Variants in PTPRN2 observed in about 807,000 individuals in gnomAD.
PTPRN2 encodes protein tyrosine phosphatase receptor type N2, also known as receptor-type tyrosine-protein phosphatase N2.
In PTPRN2, 74 loss-of-function variants were observed where a neutral mutation model predicts 118.8. The ratio of observed to expected loss-of-function variants is 0.62; its 90% CI spans 0.52 to 0.76. The LOEUF (loss-of-function observed/expected upper bound fraction) is 0.76. PTPRN2 is among the 30% of genes least tolerant of loss of function. The pLI is 0.00. For synonymous variants in PTPRN2, 641 were observed against 608.0 expected, an observed-to-expected ratio of 1.05 and a Z score of -0.80; for missense variants, 1,481 against 1,394.4, an observed-to-expected ratio of 1.06 and a Z score of -0.99.
chr7:158,019,460 G>A (rs1399055018), intron 11 of PTPRN2, among the ~76,000 whole-genome samples: 5 of 152,266 alleles, frequency 3.3e-5, no homozygotes, highest in African/African-American at 4.8e-5. Flanking sequence ...GTCAGACAGC[G>A]CGGTAGAGGC....
At chr7:157,694,488 C>T (rs759872535) in intron 12 of PTPRN2, among the ~76,000 whole-genome samples, 1 of 152,192 alleles carries the variant, frequency 6.6e-6, no homozygotes, top group Non-Finnish European at 1.5e-5. Flanking sequence ...AAGCTGAAGG[C>T]GGACCCACAC....
intron 2 of PTPRN2, among the ~76,000 whole-genome samples, chr7:158,478,792 A>G (rs897115996): frequency 2.0e-5 from 3 of 152,184 alleles, no homozygotes; most frequent in African/African-American, 7.2e-5. Context: ...TTTAATTAGC[A>G]ACTTGTGTGG....
chr7:158,252,585 A>G (rs1357582419), intron 3 of PTPRN2, among the ~76,000 whole-genome samples: 1 of 152,154 alleles, frequency 6.6e-6, no homozygotes, highest in Non-Finnish European at 1.5e-5. Context: ...GGATGGCAGG[A>G]CAGGACAGGG....
In PTPRN2 at chr7:157,787,110, G is replaced by A. The variant is rs867697168; in HGVS notation, c.1789-104173C>T. 8.2e-6 allele frequency among the ~76,000 whole-genome samples: 1 copy of A among 121,302 alleles called. No homozygotes were observed. The highest frequency in any genetic ancestry group is 1.8e-5 in the Non-Finnish European group (1 of 55,576). 79.6% of individuals were successfully genotyped at this position (121,302 alleles called of 152,430 possible). ...GGGGGTGGCTGCCCGGGAGGCGGAC[G>A]CGGGTGCGGCGGGGGACGCGGGGGT... On this transcript the variant is annotated intron_variant, in intron 12 of 22. Coordinates refer to ENST00000389418, the MANE Select transcript of PTPRN2 (RefSeq NM_002847.5). The surrounding 1 kb of genome is among the most constrained non-coding windows in gnomAD (Gnocchi z 5.3).
At chr7:157,700,367 C>T (rs1798004274) in intron 12 of PTPRN2, among the ~76,000 whole-genome samples, 1 of 152,182 alleles carries the variant, frequency 6.6e-6, no homozygotes, top group African/African-American at 2.4e-5. Flanking sequence ...AAACCAGGCT[C>T]ACTTGTCCAA....
chr7:158,279,337 T>C (rs373276434), intron 3 of PTPRN2, among the ~76,000 whole-genome samples: 1 of 152,116 alleles, frequency 6.6e-6, no homozygotes, highest in East Asian at 1.9e-4. Context: ...GATGGGTGCA[T>C]TTACAATCCT....
chr7:158,346,619 CT>C (rs1209414411), intron 2 of PTPRN2, among the ~76,000 whole-genome samples: 1 of 152,156 alleles, frequency 6.6e-6, no homozygotes, highest in Non-Finnish European at 1.5e-5. Context: ...ATTTTACTTC[CT>C]TTGGATAAAT....
intron 12 of PTPRN2, among the ~76,000 whole-genome samples, chr7:157,788,335 AC>A (rs1804206110): frequency 6.8e-6 from 1 of 147,682 alleles, no homozygotes; most frequent in Non-Finnish European, 1.5e-5. Flanking sequence ...AGATTGCACC[AC>A]TGCACTCCAG....
intron 12 of PTPRN2, among the ~76,000 whole-genome samples, chr7:157,775,203 C>T (rs939529786): frequency 5.9e-5 from 9 of 152,280 alleles, no homozygotes; most frequent in African/African-American, 1.2e-4. Context: ...CTCTGCAGGA[C>T]GCCGTGTGTG....
intron 1 of PTPRN2, among the ~76,000 whole-genome samples, chr7:158,492,239 G>A (rs7787694): frequency 0.27 from 40,514 of 152,188 alleles, 5,536 homozygotes; most frequent in South Asian, 0.37. Flanking sequence ...GGCAGGAGCT[G>A]CAGGACTCTG....
rs531716565 is a variant in PTPRN2 at position 158,116,374 on chromosome 7, T to C, written c.1557-5459A>G. Among the ~76,000 whole-genome samples, 55 of 152,378 alleles carry C rather than the reference T, an allele frequency of 3.6e-4. 2 individuals are homozygous for C. Among genetic ancestry groups the C allele is most frequent in the Admixed American group, 3.5e-3 (53 of 15,308 alleles). On this transcript the variant is annotated intron_variant, in intron 9 of 22. Coordinates refer to ENST00000389418, the MANE Select transcript of PTPRN2 (RefSeq NM_002847.5). ...AGGATCTGTCTGATGTAACTGATCC[T>C]TGAACTCTGAAGCCTAATGAAGGCC...
At chr7:158,134,084 G>T (rs759515435) in intron 8 of PTPRN2, 25 bp from the exon 9 acceptor site, 2 of 1,598,480 alleles carry the variant, frequency 1.3e-6, no homozygotes. Flanking sequence ...ATTCCGTGAG[G>T]GACGTCTGCG....
At chr7:157,809,077 C>T (rs73508115) in intron 12 of PTPRN2, among the ~76,000 whole-genome samples, 2,985 of 151,898 alleles carry the variant, frequency 0.02, 91 homozygotes, top group African/African-American at 0.066. Flanking sequence ...TTAATGTGCA[C>T]GAGAAAAAGC....
rs113364573 is a variant in PTPRN2, at chr7:157,742,650, T to C, written c.1789-59713A>G. Among the ~76,000 whole-genome samples, 688 of 152,340 alleles carry C rather than the reference T, an allele frequency of 4.5e-3. 9 individuals carry two copies. The highest frequency in any genetic ancestry group is 0.016 in the African/African-American group (660 of 41,576). Reference sequence around the variant, plus strand: ...ACACCCAGAATCTAGGGTGGGGGACTGTTCGCCTGAGCAGCACCAACTCCA... The same window carrying C: ...ACACCCAGAATCTAGGGTGGGGGACCGTTCGCCTGAGCAGCACCAACTCCA... On this transcript the variant is annotated intron_variant, in intron 12 of 22. Transcript: ENST00000389418.
At chr7:157,541,451 C>T (rs1391848814) in intron 22 of PTPRN2, among the ~76,000 whole-genome samples, 1 of 152,260 alleles carries the variant, frequency 6.6e-6, no homozygotes, top group African/African-American at 2.4e-5. Flanking sequence ...ATCCAGTGGG[C>T]ACGAGGGACG....
chr7:157,566,548 C>T (rs1310212991), intron 21 of PTPRN2, among the ~76,000 whole-genome samples: 4 of 152,192 alleles, frequency 2.6e-5, no homozygotes, highest in South Asian at 2.1e-4. Flanking sequence ...CCGCACACAC[C>T]CCAGGGAAAG....
rs756834877 is a variant in PTPRN2 at position 157,868,354 on chromosome 7, C to T, written c.1788+30319G>A. Reference sequence around the variant, plus strand: ...TCTGAGCTTGTTTCCATCATCTCCACGATGAACGTAGGACACCAGGACATT... The same window carrying T: ...TCTGAGCTTGTTTCCATCATCTCCATGATGAACGTAGGACACCAGGACATT... On this transcript the variant is annotated intron_variant, in intron 12 of 22. Coordinates refer to ENST00000389418, the MANE Select transcript of PTPRN2 (RefSeq NM_002847.5). The surrounding 1 kb of genome is among the most constrained non-coding windows in gnomAD (Gnocchi z 5.2). 7.9e-5 allele frequency among the ~76,000 whole-genome samples: 12 copies of T among 152,144 alleles called. No individual in the cohort carries two copies. The highest frequency in any genetic ancestry group is 1.6e-4 in the Non-Finnish European group (11 of 68,034).
At chr7:157,777,977 CAAAA>C (rs5888729) in intron 12 of PTPRN2, among the ~76,000 whole-genome samples, 3 of 109,648 alleles carry the variant, frequency 2.7e-5, no homozygotes, top group Non-Finnish European at 6.1e-5. Flanking sequence ...TACACCACAG[CAAAA>C]AAAAAAAAAA....
In PTPRN2 at chr7:157,929,700, C is replaced by CTCTGACAGCAGTAT. The variant is rs143433814; in HGVS notation, c.1724-30964_1724-30963insATACTGCTGTCAGA. Among the ~76,000 whole-genome samples, 1 of 151,842 alleles carries CTCTGACAGCAGTAT rather than the reference C, an allele frequency of 6.6e-6. No individual in the cohort carries two copies. The highest frequency in any genetic ancestry group is 2.4e-5 in the African/African-American group (1 of 41,292). ...TCTCTACTGTAAGACTTCCCTGTCC[C>CTCTGACAGCAGTAT]TCGGGTGGGGGCGGCATCCTCACAG... is the stretch of plus-strand genomic sequence containing the variant. On this transcript the variant is annotated intron_variant, in intron 11 of 22. Transcript: ENST00000389418. This position sits in a 1 kb window ranked among gnomAD's most constrained non-coding sequence, Gnocchi z 4.4.
Sources: allele counts gnomAD v4.1 joint callset (sites outside exome capture counted in the v4.1 genomes callset), GRCh38; gene constraint gnomAD v4.1.1; non-coding constraint Gnocchi (gnomAD v3.1); transcripts MANE v1.5; gene names NCBI Gene and HGNC (gene_info 2026-07-23, HGNC 2026-07-21).